The following EYS variants were observed in gnomAD, a reference collection of about 807,000 sequenced individuals.
The protein encoded by EYS is protein eyes shut homolog.
EYS carries 250 observed loss-of-function variants against 282.1 expected under a neutral mutation model. That is an observed-to-expected ratio of 0.89 (90% CI 0.80 to 0.98). The LOEUF (loss-of-function observed/expected upper bound fraction) is 0.98, where lower values mean the gene tolerates loss of function less well. EYS is among the 50% of genes least tolerant of loss of function. EYS has a pLI of 0.00. For synonymous variants in EYS, 1,355 were observed against 1,282.9 expected (o/e 1.06, Z -1.20); for missense variants, 4,016 against 3,709.0 (o/e 1.08, Z -2.15).
chr6:65,410,682 C>T (rs1766955784), intron 5 of EYS, among the ~76,000 whole-genome samples: 1 of 147,244 alleles, frequency 6.8e-6, no homozygotes, highest in Non-Finnish European at 1.5e-5. Flanking sequence ...TGGCCTATTT[C>T]AATTAACATG....
chr6:64,806,164 A>G (rs544763996), intron 22 of EYS, among the ~76,000 whole-genome samples: 1 of 151,810 alleles, frequency 6.6e-6, no homozygotes, highest in Admixed American at 6.6e-5. Flanking sequence ...TTATTTTTGA[A>G]AATATAATCT....
intron 22 of EYS, among the ~76,000 whole-genome samples, chr6:64,773,185 A>G (rs1356205962): frequency 3.3e-5 from 5 of 151,584 alleles, no homozygotes; most frequent in Non-Finnish European, 7.4e-5. Flanking sequence ...CTTTGTTTTC[A>G]TATGTACTCA....
chr6:64,457,357 T>C (rs985859739), intron 26 of EYS, among the ~76,000 whole-genome samples: 2 of 152,050 alleles, frequency 1.3e-5, no homozygotes, highest in Admixed American at 1.3e-4. Flanking sequence ...TAAAATTTTC[T>C]GTATATGTGT....
At chr6:63,799,669 G>C (rs565833104) in intron 37 of EYS, among the ~76,000 whole-genome samples, 72 of 152,336 alleles carry the variant, frequency 4.7e-4, no homozygotes, top group African/African-American at 1.7e-3. Flanking sequence ...TTATGAAATT[G>C]CTGCTATTCT....
At chr6:65,152,923 G>A (rs896160766) in intron 12 of EYS, among the ~76,000 whole-genome samples, 2 of 149,860 alleles carry the variant, frequency 1.3e-5, no homozygotes, top group Non-Finnish European at 3.0e-5. Flanking sequence ...ACTTCATATT[G>A]TTAATTAATT....
At chr6:65,644,435 A>G (rs1279829936) in intron 1 of EYS, among the ~76,000 whole-genome samples, 1 of 152,226 alleles carries the variant, frequency 6.6e-6, no homozygotes, top group Admixed American at 6.5e-5. Flanking sequence ...TTCAAACCTA[A>G]GAATAATTGG....
intron 12 of EYS, among the ~76,000 whole-genome samples, chr6:65,095,156 T>C (rs888729265): frequency 6.6e-6 from 1 of 151,176 alleles, no homozygotes; most frequent in African/African-American, 2.4e-5. Flanking sequence ...ATAGCCTGAT[T>C]AGGCCAATAA....
chr6:64,862,976 A>C (rs143730082), intron 19 of EYS, among the ~76,000 whole-genome samples: 1 of 152,170 alleles, frequency 6.6e-6, no homozygotes, highest in East Asian at 1.9e-4. Context: ...GGAATTCTGG[A>C]TATGTTGTTT....
At chr6:65,453,252 A>T (rs1007319873) in intron 5 of EYS, among the ~76,000 whole-genome samples, 1 of 152,050 alleles carries the variant, frequency 6.6e-6, no homozygotes, top group Admixed American at 6.6e-5. Flanking sequence ...CACCATGTAT[A>T]GAGGAGTAGG....
intron 36 of EYS, among the ~76,000 whole-genome samples, chr6:63,812,645 A>G (rs1459013754): frequency 2.0e-5 from 3 of 152,146 alleles, no homozygotes; most frequent in African/African-American, 7.2e-5. Flanking sequence ...AGGTTAAAGT[A>G]GTGTTAAGGA....
chr6:65,261,868 G>A (rs1348530109), intron 12 of EYS, among the ~76,000 whole-genome samples: 1 of 151,980 alleles, frequency 6.6e-6, no homozygotes, highest in Non-Finnish European at 1.5e-5. Context: ...CTATGAAACA[G>A]TCTATAGCTG....
chr6:64,251,293 A>G (rs1429879286), intron 30 of EYS, among the ~76,000 whole-genome samples: 1 of 152,168 alleles, frequency 6.6e-6, no homozygotes, highest in Non-Finnish European at 1.5e-5. Context: ...CAATTGCATA[A>G]TCTTTATGTA....
chr6:65,681,387 T>A (rs983308310), intron 1 of EYS, among the ~76,000 whole-genome samples: 4 of 151,990 alleles, frequency 2.6e-5, no homozygotes, highest in Admixed American at 6.6e-5. Flanking sequence ...AAAGACCAAA[T>A]GTATATTTCA....
chr6:64,838,838 G>C (rs2150033336), intron 19 of EYS, among the ~76,000 whole-genome samples: 1 of 151,974 alleles, frequency 6.6e-6, no homozygotes, highest in Non-Finnish European at 1.5e-5. Context: ...TTTAATGCCT[G>C]ACTTGGTTAG....
intron 24 of EYS, among the ~76,000 whole-genome samples, chr6:64,614,474 G>C (rs1247564088): frequency 1.3e-5 from 2 of 151,998 alleles, no homozygotes; most frequent in Non-Finnish European, 2.9e-5. Flanking sequence ...TATCAGACTG[G>C]GAATTTAAAA....
rs59373055 is a variant in EYS, at chr6:63,939,130, ATTT to A, written c.7055+45250_7055+45252del. Among the ~76,000 whole-genome samples, 759 of 143,570 alleles carry A rather than the reference ATTT, an allele frequency of 5.3e-3. 3 individuals are homozygous for A. Among genetic ancestry groups the A allele is most frequent in the African/African-American group, 0.018 (705 of 39,590 alleles). The allele number at this position is 143,570 out of a possible 152,430, so 94.2% of individuals were successfully genotyped here. On this transcript the variant is annotated intron_variant, in intron 35 of 42. Transcript: ENST00000503581. ...CCCAGACAAGCTTCTTTGTGAGGGG[ATTT>A]TTTTTTTTTTTTAACAAATATGCCT...
At chr6:65,354,883 T>C (rs1764422900) in intron 8 of EYS, among the ~76,000 whole-genome samples, 1 of 152,018 alleles carries the variant, frequency 6.6e-6, no homozygotes, top group African/African-American at 2.4e-5. Context: ...CATTTAATTA[T>C]ATTAAATGAT....
At chr6:64,303,441 C>G (rs1215294626) in intron 30 of EYS, among the ~76,000 whole-genome samples, 1 of 152,096 alleles carries the variant, frequency 6.6e-6, no homozygotes, top group African/African-American at 2.4e-5. Context: ...ATCAACAAAG[C>G]CTGATGCAAA....
At chr6:65,103,072 G>A (rs1000494693) in intron 12 of EYS, among the ~76,000 whole-genome samples, 1 of 151,252 alleles carries the variant, frequency 6.6e-6, no homozygotes, top group Non-Finnish European at 1.5e-5. Flanking sequence ...CCATCACCTG[G>A]AAACTTATTA....
Sources: gnomAD v4.1 joint callset for allele counts (sites outside exome capture counted in the v4.1 genomes callset) on GRCh38, gnomAD v4.1.1 for gene constraint, MANE v1.5 for transcripts, NCBI Gene and HGNC (gene_info 2026-07-23, HGNC 2026-07-21) for gene names.